WT1: variants seen among roughly 807,000 people sequenced by gnomAD.
WT1 encodes the protein Wilms tumor protein.
In WT1, 8 loss-of-function variants were observed where a neutral mutation model predicts 60.8. The observed-to-expected ratio is 0.13, with a 90% confidence interval of 0.08 to 0.24. WT1 has a LOEUF of 0.24. WT1 is among the 10% of genes least tolerant of loss of function. The probability of loss-of-function intolerance (pLI) is 1.00; values close to 1 mark genes in which losing one functional copy is unlikely to be tolerated. For missense variants in WT1, 568 were observed against 711.8 expected, an observed-to-expected ratio of 0.80 and a Z score of 2.30; for synonymous variants, 312 against 297.1, an observed-to-expected ratio of 1.05 and a Z score of -0.52.
In WT1 at chr11:32,429,460, AT is replaced by A. The variant is rs1454719452; in HGVS notation, c.662-842del. Among the ~76,000 whole-genome samples the A allele has an allele frequency of 3.4e-4, 27 of 80,032 alleles. No homozygotes were observed. The South Asian group carries it at 0.012, about 36-fold the overall frequency. The allele number at this position is 80,032 out of a possible 152,430, so 52.5% of individuals were successfully genotyped here. A position where few individuals can be genotyped will look rare whatever the true frequency, so the allele number is the denominator to read the frequency against. On this transcript the variant is annotated intron_variant, in intron 1 of 9. Coordinates refer to ENST00000452863, the MANE Select transcript of WT1 (RefSeq NM_024426.6). ...AGTTTCCCCCTAGGGAAATCCTAGC[AT>A]TCCCCCCCCCCCCCAAAGTGAGAAA... is the stretch of plus-strand genomic sequence containing the variant.
chr11:32,417,565 A>G lies in WT1; in HGVS notation c.965+12T>C. On this transcript the variant is annotated intron_variant, in intron 4 of 9. Coordinates refer to ENST00000452863, the MANE Select transcript of WT1 (RefSeq NM_024426.6). The stretch of plus-strand genomic sequence containing the variant: ...TTACTGTGGAAAGGCAATGGAATAG[A>G]GAAAACCTTACCCCTTTAAGGTGGC... The G allele has an allele frequency of 6.2e-7, 1 of 1,611,374 alleles. No homozygotes were observed. Among genetic ancestry groups the G allele is most frequent in the Non-Finnish European group, 8.5e-7 (1 of 1,177,550 alleles).
At chr11:32,418,263 C>G (rs1346370934) in intron 3 of WT1, among the ~76,000 whole-genome samples, 1 of 146,372 alleles carries the variant, frequency 6.8e-6, no homozygotes, top group African/African-American at 2.5e-5. Flanking sequence ...AAAAAAAGAG[C>G]CCAGTTCTAT....
At chr11:32,392,886 G>T (rs1851858381) in intron 7 of WT1, 131 bp from the exon 8 acceptor site, 1 of 752,728 alleles carries the variant, frequency 1.3e-6, no homozygotes, top group African/African-American at 1.7e-5. Flanking sequence ...GTTAGGGTAG[G>T]ATGATCCCCA....
chr11:32,396,871 G>A (rs1156462653), intron 6 of WT1, among the ~76,000 whole-genome samples: 1 of 152,190 alleles, frequency 6.6e-6, no homozygotes, highest in African/African-American at 2.4e-5. Flanking sequence ...AGAAAAAAGT[G>A]GGATAATGAA....
At chr11:32,430,414 G>GAGAA in intron 1 of WT1, 2 of 1,374,518 alleles carry the variant, frequency 1.5e-6, no homozygotes, top group Non-Finnish European at 2.0e-6. Flanking sequence ...AAGAGAGAGA[G>GAGAA]AGAAAGAGAG....
chr11:32,434,120 T>A (rs1853401486), intron 1 of WT1, among the ~76,000 whole-genome samples: 1 of 152,266 alleles, frequency 6.6e-6, no homozygotes, highest in Non-Finnish European at 1.5e-5. Context: ...GCCATTTAGT[T>A]ACTGGAGGTG....
At chr11:32,417,986 A>G (rs1453101610) in intron 3 of WT1, among the ~76,000 whole-genome samples, 2 of 152,148 alleles carry the variant, frequency 1.3e-5, no homozygotes, top group African/African-American at 2.4e-5. Flanking sequence ...CACAGGCTGG[A>G]TAACTCAACA....
chr11:32,390,114 TG>T (rs1469091822), intron 9 of WT1, among the ~76,000 whole-genome samples: 1 of 152,158 alleles, frequency 6.6e-6, no homozygotes, highest in Admixed American at 6.5e-5. Context: ...TGCTCTTCCC[TG>T]TATCACACCT....
chr11:32,435,413 CTGGGTGGGTGGG>C lies in WT1; in HGVS notation c.-65_-54del. 8.3e-6 allele frequency: 1 copy of C among 120,098 alleles called. No homozygotes were observed. The highest frequency in any genetic ancestry group is 1.1e-5 in the Non-Finnish European group (1 of 93,746). The allele number at this position is 120,098 out of a possible 1,614,324, so 7.4% of individuals were successfully genotyped here. A position where few individuals can be genotyped will look rare whatever the true frequency, so the allele number is the denominator to read the frequency against. On this transcript the variant is annotated 5_prime_UTR_variant, in exon 1 of 10. Transcript: ENST00000452863. The stretch of plus-strand genomic sequence containing the variant: ...GGGCGCCTGGGCTGCCGTCCCGGCT[CTGGGTGGGTGGG>C]TGGGTGAATGAGTAGGTGGGAGGGA...
chr11:32,401,925 A>G (rs1852170112), intron 5 of WT1, among the ~76,000 whole-genome samples: 2 of 152,114 alleles, frequency 1.3e-5, no homozygotes, highest in Non-Finnish European at 2.9e-5. Flanking sequence ...TTACTCTAAC[A>G]GTTGGTTCCA....
intron 9 of WT1, 116 bp downstream of exon 9, chr11:32,391,856 T>G: frequency 1.9e-6 from 2 of 1,045,664 alleles, no homozygotes; most frequent in Non-Finnish European, 3.0e-6. Context: ...TTCTCTCAAC[T>G]GAGTCTAAAC....
chr11:32,414,189 T>A (rs1177503826), intron 5 of WT1, among the ~76,000 whole-genome samples: 1 of 152,276 alleles, frequency 6.6e-6, no homozygotes. Context: ...TTTGTGGAAC[T>A]ATCTGTTGGG....
intron 6 of WT1, among the ~76,000 whole-genome samples, chr11:32,399,645 G>C (rs1852085967): frequency 6.6e-6 from 1 of 152,224 alleles, no homozygotes; most frequent in Admixed American, 6.5e-5. Context: ...AGCCCAATTA[G>C]CTTAAATACA....
chr11:32,398,501 A>G (rs983076195), intron 6 of WT1, among the ~76,000 whole-genome samples: 2 of 152,118 alleles, frequency 1.3e-5, no homozygotes, highest in African/African-American at 4.8e-5. Flanking sequence ...TACTTTCTTC[A>G]TGCTCCTTGG....
intron 3 of WT1, among the ~76,000 whole-genome samples, chr11:32,423,694 A>G (rs1852928341): frequency 6.6e-6 from 1 of 152,184 alleles, no homozygotes; most frequent in Non-Finnish European, 1.5e-5. Context: ...CACACTGGGG[A>G]AATTTACTTC....
At chr11:32,425,075 G>A (rs1378715442) in intron 3 of WT1, among the ~76,000 whole-genome samples, 1 of 151,926 alleles carries the variant, frequency 6.6e-6, no homozygotes, top group Admixed American at 6.6e-5. Context: ...CTACTTGGGA[G>A]GCTGAGGCAC....
intron 3 of WT1, among the ~76,000 whole-genome samples, chr11:32,423,872 T>A (rs968940509): frequency 1.3e-5 from 2 of 152,176 alleles, no homozygotes; most frequent in African/African-American, 4.8e-5. Context: ...TGAGCAAAAG[T>A]GATACATTGG....
intron 5 of WT1, among the ~76,000 whole-genome samples, chr11:32,413,325 A>C (rs1852561146): frequency 6.6e-6 from 1 of 152,254 alleles, no homozygotes; most frequent in African/African-American, 2.4e-5. Context: ...GAATGAACAC[A>C]AAAAGTTATG....
intron 2 of WT1, among the ~76,000 whole-genome samples, 182 bp downstream of exon 2, chr11:32,428,315 G>T (rs1268322638): frequency 6.6e-6 from 1 of 152,240 alleles, no homozygotes; most frequent in East Asian, 1.9e-4. Flanking sequence ...TGTCCCTAAC[G>T]TACTTGGGAT....
Sources: gnomAD v4.1 joint callset for allele counts (sites outside exome capture counted in the v4.1 genomes callset) on GRCh38, gnomAD v4.1.1 for gene constraint, MANE v1.5 for transcripts, NCBI Gene and HGNC (gene_info 2026-07-23, HGNC 2026-07-21) for gene names.